Variants in STK32B observed in about 807,000 individuals in gnomAD.
The protein encoded by STK32B is serine/threonine-protein kinase 32B.
Under a neutral mutation model 52.6 loss-of-function variants are expected in STK32B, and 43 were observed. The ratio of observed to expected loss-of-function variants is 0.82; its 90% CI spans 0.64 to 1.05. The LOEUF (loss-of-function observed/expected upper bound fraction) is 1.05. Among genes scored for constraint, STK32B ranks in the 50% least tolerant of loss-of-function variants. The pLI is 0.00. For missense variants in STK32B, 621 were observed against 534.6 expected (o/e 1.16, Z -1.59); for synonymous variants, 238 against 204.3 (o/e 1.17, Z -1.41).
rs752930433 is a variant in STK32B at position 5,466,658 on chromosome 4, G to T, written c.910-45G>T. 5 of 1,563,218 alleles carry T rather than the reference G, an allele frequency of 3.2e-6. No homozygotes were observed. In the South Asian group the frequency reaches 6.0e-5, roughly 19 times the overall value. ...TTAATGAAAAGAAAATTCAGTGATG[G>T]GTGGAACGCAGACAGACCATGTTTT... is the stretch of plus-strand genomic sequence containing the variant. On this transcript the variant is annotated intron_variant, in intron 9 of 11. Coordinates refer to ENST00000282908, the MANE Select transcript of STK32B (RefSeq NM_018401.3).
chr4:5,199,756 C>T (rs1478931346), intron 3 of STK32B, among the ~76,000 whole-genome samples: 1 of 151,842 alleles, frequency 6.6e-6, no homozygotes, highest in Non-Finnish European at 1.5e-5. Context: ...CCTAAATGTT[C>T]TCCCACCCCC....
chr4:5,150,926 G>A (rs1577109598), intron 2 of STK32B, among the ~76,000 whole-genome samples: 1 of 152,134 alleles, frequency 6.6e-6, no homozygotes. Context: ...CCACGACAAA[G>A]TTAGCATCAC....
chr4:5,187,590 G>GT (rs1196968865), intron 3 of STK32B, among the ~76,000 whole-genome samples: 2 of 145,064 alleles, frequency 1.4e-5, no homozygotes, highest in South Asian at 2.2e-4. Flanking sequence ...AGGATGGGGT[G>GT]TGTCGGGGCA....
chr4:5,375,571 T>C (rs1455683319), intron 4 of STK32B, among the ~76,000 whole-genome samples: 2 of 152,188 alleles, frequency 1.3e-5, no homozygotes, highest in East Asian at 1.9e-4. Context: ...AAATTACTTC[T>C]TTTTCATCAC....
chr4:5,394,911 G>T lies in STK32B; in HGVS notation c.435-3296G>T, dbSNP rs113635094. Among the ~76,000 whole-genome samples the T allele has an allele frequency of 1.0e-3, 157 of 152,118 alleles. No homozygotes were observed. The highest frequency in any genetic ancestry group is 3.4e-3 in the African/African-American group (140 of 41,472). ...TCACATTTATTTTCCCTCCATTTCCGTGGCCCAGGAGTCCAGGTGGGCTTA... is the reference window on the plus strand; with the variant it reads ...TCACATTTATTTTCCCTCCATTTCCTTGGCCCAGGAGTCCAGGTGGGCTTA... On this transcript the variant is annotated intron_variant, in intron 4 of 11. Transcript: ENST00000282908. The surrounding 1 kb of genome is among the most constrained non-coding windows in gnomAD (Gnocchi z 4.2).
the STK32B span, among the ~76,000 whole-genome samples, chr4:5,043,112 C>CAAAAAA: frequency 1.3e-5 from 1 of 74,368 alleles, no homozygotes; most frequent in Admixed American, 1.6e-4. Context: ...GACTCCGTCT[C>CAAAAAA]AAAAAAAAAA....
chr4:5,198,215 A>C (rs112918993), intron 3 of STK32B, among the ~76,000 whole-genome samples: 2,666 of 152,318 alleles, frequency 0.018, 71 homozygotes, highest in African/African-American at 0.06. Context: ...GATTATCTGC[A>C]TAGAATATAA....
At chr4:5,105,934 G>T (rs997780183) in intron 1 of STK32B, among the ~76,000 whole-genome samples, 1 of 151,980 alleles carries the variant, frequency 6.6e-6, no homozygotes, top group Non-Finnish European at 1.5e-5. Context: ...CTTTAACATT[G>T]TGAAGATATC....
chr4:5,406,956 T>C (rs1737723479), intron 5 of STK32B, among the ~76,000 whole-genome samples: 1 of 152,308 alleles, frequency 6.6e-6, no homozygotes, highest in East Asian at 1.9e-4. Context: ...GTTTTTCTTT[T>C]CTACCACATG....
intron 11 of STK32B, among the ~76,000 whole-genome samples, chr4:5,493,364 C>A (rs1426000641): frequency 6.6e-6 from 1 of 152,050 alleles, no homozygotes; most frequent in Non-Finnish European, 1.5e-5. Context: ...AGTTTATTTG[C>A]GTAGAGGTGT....
rs996243628 is a variant in STK32B, at chr4:5,396,056, C to T, written c.435-2151C>T. Among the ~76,000 whole-genome samples, 1 of 152,272 alleles carries T rather than the reference C, an allele frequency of 6.6e-6. No individual in the cohort carries two copies. The highest frequency in any genetic ancestry group is 1.5e-5 in the Non-Finnish European group (1 of 68,046). ...GTTTGCCCTCAACTCTATCAGCTCT[C>T]CTTCCACCGTGCCAGTTGTGTTAGC... On this transcript the variant is annotated intron_variant, in intron 4 of 11. Coordinates refer to ENST00000282908, the MANE Select transcript of STK32B (RefSeq NM_018401.3). The surrounding 1 kb of genome is among the most constrained non-coding windows in gnomAD (Gnocchi z 4.7).
chr4:5,393,577 G>A (rs777975929), intron 4 of STK32B, among the ~76,000 whole-genome samples: 4 of 152,174 alleles, frequency 2.6e-5, no homozygotes, highest in Non-Finnish European at 5.9e-5. Context: ...AAGCAGGCAT[G>A]TCTTACATGG....
At position 5,308,443 on chromosome 4, in the gene STK32B, C is replaced by T. The variant is rs763334929; in HGVS notation, c.261-22777C>T. Among the ~76,000 whole-genome samples, 7 of 151,812 alleles carry T rather than the reference C, an allele frequency of 4.6e-5. No homozygotes were observed. The South Asian group carries it at 6.2e-4, about 14-fold the overall frequency. On this transcript the variant is annotated intron_variant, in intron 3 of 11. Transcript: ENST00000282908. ...TGACTTTAAGTAATCTACACTCTTCCGATGCCTCAGTTTCTTCCTTAGTAA... is the reference window on the plus strand; with the variant it reads ...TGACTTTAAGTAATCTACACTCTTCTGATGCCTCAGTTTCTTCCTTAGTAA...
chr4:5,397,973 T>G (rs924124829), intron 4 of STK32B, among the ~76,000 whole-genome samples: 2 of 152,174 alleles, frequency 1.3e-5, no homozygotes, highest in Admixed American at 1.3e-4. Flanking sequence ...TTAAGAATAT[T>G]CAGGAAAAAA....
At chr4:5,047,658 G>C (rs758896282), upstream of STK32B, among the ~76,000 whole-genome samples, 11 of 152,092 alleles carry the variant, frequency 7.2e-5, no homozygotes, top group Non-Finnish European at 1.5e-4. Context: ...CACAGCCCTG[G>C]CTGCCCTGCA....
At chr4:5,303,025 G>GGT in intron 3 of STK32B, among the ~76,000 whole-genome samples, 1 of 151,370 alleles carries the variant, frequency 6.6e-6, no homozygotes, top group South Asian at 2.1e-4. Flanking sequence ...TGTATATGTG[G>GGT]GTGTGTGTGT....
At chr4:5,274,664 C>T (rs1387319149) in intron 3 of STK32B, among the ~76,000 whole-genome samples, 1 of 152,206 alleles carries the variant, frequency 6.6e-6, no homozygotes, top group East Asian at 1.9e-4. Context: ...GGCATTGGAG[C>T]TGGCAGCAGC....
At chr4:5,052,172 A>T (rs2108750728) in intron 1 of STK32B, among the ~76,000 whole-genome samples, 1 of 152,260 alleles carries the variant, frequency 6.6e-6, no homozygotes, top group East Asian at 1.9e-4. Context: ...CAGAGAGTTG[A>T]ACCCGAAACC....
chr4:5,175,768 C>G (rs1432576224), intron 3 of STK32B, among the ~76,000 whole-genome samples: 1 of 152,170 alleles, frequency 6.6e-6, no homozygotes, highest in Admixed American at 6.5e-5. Flanking sequence ...CTTGAGGAGG[C>G]CGTCTGCCTG....
Sources: allele counts gnomAD v4.1 joint callset (sites outside exome capture counted in the v4.1 genomes callset), GRCh38; gene constraint gnomAD v4.1.1; non-coding constraint Gnocchi (gnomAD v3.1); transcripts MANE v1.5; gene names NCBI Gene and HGNC (gene_info 2026-07-23, HGNC 2026-07-21).